Variants in PCDHGA10 observed in about 807,000 individuals in gnomAD.
PCDHGA10 encodes the protein protocadherin gamma-A10.
Under a neutral mutation model 59.5 loss-of-function variants are expected in PCDHGA10, and 42 were observed. The observed-to-expected ratio is 0.71, with a 90% confidence interval of 0.55 to 0.91. The LOEUF is 0.91. Ranked by LOEUF, PCDHGA10 falls within the 40% of genes least tolerant of loss-of-function variation. PCDHGA10 has a pLI of 0.00. For synonymous variants in PCDHGA10, 511 were observed against 517.2 expected (o/e 0.99, Z 0.16); for missense variants, 1,111 against 1,198.2 (o/e 0.93, Z 1.07).
chr5:141,413,906 C>G lies in PCDHGA10; in HGVS notation c.731C>G (p.Pro244Arg). ...VTVFDANDNA[P>R]VFTLPEYRVS... is the part of the protein sequence containing the mutation. ...GTCTTCGATGCAAATGACAACGCGC[C>G]GGTCTTCACCTTGCCAGAATACCGA... Residue 244 changes from proline (P) to arginine (R), a missense_variant, in exon 1 of 4, where the codon CCG (proline) becomes CGG (arginine). Transcript: ENST00000398610. 1 of 1,613,310 alleles carries G rather than the reference C, an allele frequency of 6.2e-7. No homozygotes were observed.
At chr5:141,419,004 T>C in intron 1 of PCDHGA10, 1 of 1,613,886 alleles carries the variant, frequency 6.2e-7, no homozygotes, top group Non-Finnish European at 8.5e-7. Context: ...AATGGGGAAG[T>C]CAGGTGTAGC....
chr5:141,423,267 G>A (rs530404769), intron 1 of PCDHGA10: 1 of 1,613,710 alleles, frequency 6.2e-7, no homozygotes, highest in Non-Finnish European at 8.5e-7. Flanking sequence ...GCAGCCTCGA[G>A]TCTCTGGCTA....
intron 1 of PCDHGA10, among the ~76,000 whole-genome samples, chr5:141,438,606 A>G: frequency 3.6e-5 from 1 of 27,780 alleles, no homozygotes; most frequent in African/African-American, 2.7e-4. Flanking sequence ...ATATATATAT[A>G]TATATATATA....
Position 141,487,401 on chromosome 5 carries a change from T to C in PCDHGA10, c.2437-7406T>C, listed in dbSNP as rs2099644244. The C allele has an allele frequency of 6.2e-7, 1 of 1,614,134 alleles. No individual in the cohort carries two copies. The highest frequency in any genetic ancestry group is 1.3e-5 in the African/African-American group (1 of 75,046). On this transcript the variant is annotated intron_variant, in intron 1 of 3. Transcript: ENST00000398610. This position sits in a 1 kb window ranked among gnomAD's most constrained non-coding sequence, Gnocchi z 5.0. ...ACCAGATCTCGAAGGAGGGAGGGGCTTCCCCCTTCCAATGGGATCCTCCGA... is the reference window on the plus strand; with the variant it reads ...ACCAGATCTCGAAGGAGGGAGGGGCCTCCCCCTTCCAATGGGATCCTCCGA...
At chr5:141,447,576 A>G (rs758449068) in intron 1 of PCDHGA10, among the ~76,000 whole-genome samples, 6 of 152,214 alleles carry the variant, frequency 3.9e-5, no homozygotes, top group African/African-American at 7.2e-5. Context: ...CTATGTCCAC[A>G]CATACCTTAA....
intron 1 of PCDHGA10, among the ~76,000 whole-genome samples, chr5:141,484,419 A>G (rs978469951): frequency 1.3e-5 from 2 of 152,206 alleles, no homozygotes; most frequent in Non-Finnish European, 2.9e-5. Flanking sequence ...TCCTGTTACA[A>G]TGAGAACATG....
At chr5:141,504,660 C>T (rs1002186811) in intron 2 of PCDHGA10, among the ~76,000 whole-genome samples, 8 of 101,980 alleles carry the variant, frequency 7.8e-5, no homozygotes, top group Admixed American at 5.7e-4. Flanking sequence ...TGTTTGAGGG[C>T]GGGGGGTGGG....
intron 2 of PCDHGA10, among the ~76,000 whole-genome samples, chr5:141,501,771 G>A (rs957546749): frequency 7.2e-5 from 11 of 152,118 alleles, no homozygotes; most frequent in African/African-American, 2.7e-4. Context: ...GGTTAAAAAA[G>A]AGGTCTCTCT....
intron 1 of PCDHGA10, among the ~76,000 whole-genome samples, chr5:141,448,521 GCATCCTGTCAGCATTTC>G (rs1378426350): frequency 1.3e-5 from 2 of 151,994 alleles, no homozygotes; most frequent in Non-Finnish European, 2.9e-5. Flanking sequence ...ACTTTATTAA[GCATCCTGTCAGCATTTC>G]TTATGCAAAT....
Position 141,414,622 on chromosome 5 carries a change from C to T in PCDHGA10, c.1447C>T (p.Pro483Ser). The T allele has an allele frequency of 6.2e-7, 1 of 1,613,956 alleles. No homozygotes were observed. The change falls in exon 1 of 4, where the codon CCG (proline) becomes TCG (serine). Residue 483 changes from proline (P) to serine (S), a missense_variant. Physicochemically the swap from Pro to Ser is moderately conservative, Grantham distance 74 (BLOSUM62 -1). Coordinates refer to ENST00000398610, the MANE Select transcript of PCDHGA10 (RefSeq NM_018913.3). ...CATCTTCTCAGTGACAGCGCTGGAC[C>T]CGGACAGCAAAGAGAATGCCCAGAT... ...ASIFSVTALDPDSKENAQIIY... is the reference protein window; with the variant it reads ...ASIFSVTALDSDSKENAQIIY...
chr5:141,413,910 C>T lies in PCDHGA10; in HGVS notation c.735C>T (p.Val245=). 1 of 1,613,376 alleles carries T rather than the reference C, an allele frequency of 6.2e-7. No individual in the cohort carries two copies. The highest frequency in any genetic ancestry group is 8.5e-7 in the Non-Finnish European group (1 of 1,179,878). The change falls in exon 1 of 4, where the codon GTC becomes GTT. Residue 245 remains valine (V), a synonymous_variant. Transcript: ENST00000398610. ...TCGATGCAAATGACAACGCGCCGGT[C>T]TTCACCTTGCCAGAATACCGAGTGA... is the stretch of plus-strand genomic sequence containing the variant. ...TVFDANDNAP[V]FTLPEYRVSV... is the part of the protein sequence containing the mutation.
rs552812176 is a variant in PCDHGA10, at chr5:141,497,407, A to G, written c.2495+2542A>G. Among the ~76,000 whole-genome samples, 43 of 152,204 alleles carry G rather than the reference A, an allele frequency of 2.8e-4. No individual in the cohort carries two copies. In the Middle Eastern group the frequency reaches 0.01, roughly 36 times the overall value. The stretch of plus-strand genomic sequence containing the variant: ...GCACCTTACCCCTGCCTCAACTCCC[A>G]TTCCATCAAATGAGAGGCTTAGTGG... On this transcript the variant is annotated intron_variant, in intron 2 of 3. Coordinates refer to ENST00000398610, the MANE Select transcript of PCDHGA10 (RefSeq NM_018913.3).
At chr5:141,435,214 AC>A (rs1332585721) in intron 1 of PCDHGA10, among the ~76,000 whole-genome samples, 1 of 152,176 alleles carries the variant, frequency 6.6e-6, no homozygotes, top group African/African-American at 2.4e-5. Flanking sequence ...AAGTGAATTT[AC>A]TTTCTTTCAA....
Position 141,477,889 on chromosome 5 carries a change from A to T in PCDHGA10, c.2437-16918A>T. 1 of 1,614,152 alleles carries T rather than the reference A, an allele frequency of 6.2e-7. No homozygotes were observed. Among genetic ancestry groups the T allele is most frequent in the Admixed American group, 1.7e-5 (1 of 60,016 alleles). On this transcript the variant is annotated intron_variant, in intron 1 of 3. Coordinates refer to ENST00000398610, the MANE Select transcript of PCDHGA10 (RefSeq NM_018913.3). This position sits in a 1 kb window ranked among gnomAD's most constrained non-coding sequence, Gnocchi z 4.9. The stretch of plus-strand genomic sequence containing the variant: ...GTACCTCAGCTGGCCACCTAGTGTC[A>T]CGGGTGGTAGGCTGGGACGCGGATG...
intron 1 of PCDHGA10, chr5:141,478,782 T>C: frequency 6.7e-7 from 1 of 1,485,212 alleles, no homozygotes. Context: ...GTGGACCTAA[T>C]TCACATCCTC....
rs759840643 is a variant in PCDHGA10, at chr5:141,414,450, A to C, written c.1275A>C (p.Thr425=). Residue 425 remains threonine, a synonymous_variant, in exon 1 of 4, where the codon ACA becomes ACC. Coordinates refer to ENST00000398610, the MANE Select transcript of PCDHGA10 (RefSeq NM_018913.3). ...DREQVSSYNI[T]VTATDGGSPP... ...AACAGGTATCCTCTTACAATATCAC[A>C]GTGACAGCCACAGATGGGGGAAGTC... The C allele has an allele frequency of 9.3e-6, 15 of 1,613,772 alleles. No individual in the cohort carries two copies.
At chr5:141,424,080 C>T (rs2096798143) in intron 1 of PCDHGA10, 1 of 970,378 alleles carries the variant, frequency 1.0e-6, no homozygotes, top group Admixed American at 6.0e-5. Context: ...AGTTATATTC[C>T]ACCATTATTT....
chr5:141,419,769 C>G (rs773303779), intron 1 of PCDHGA10: 3 of 1,613,888 alleles, frequency 1.9e-6, no homozygotes, highest in Non-Finnish European at 2.5e-6. Context: ...GACAAGGACT[C>G]GGTCCGCCAG....
chr5:141,416,449 G>A (rs938389094), intron 1 of PCDHGA10: 1 of 152,138 alleles, frequency 6.6e-6, no homozygotes, highest in Non-Finnish European at 1.5e-5. Context: ...AATATGGGTT[G>A]GGAAGACAGA....
Sources: allele counts gnomAD v4.1 joint callset (sites outside exome capture counted in the v4.1 genomes callset), GRCh38; gene constraint gnomAD v4.1.1; non-coding constraint Gnocchi (gnomAD v3.1); transcripts MANE v1.5; gene names NCBI Gene and HGNC (gene_info 2026-07-23, HGNC 2026-07-21).